Variants in RALYL observed in about 807,000 individuals in gnomAD.
RALYL encodes the protein RALY RNA binding protein like, also known as RNA-binding Raly-like protein.
A neutral mutation model predicts 35.1 loss-of-function variants in RALYL; 29 were observed. The ratio of observed to expected loss-of-function variants is 0.83; its 90% confidence interval spans 0.61 to 1.13. RALYL has a LOEUF of 1.13. Ranked by LOEUF, RALYL falls within the 50% of genes most tolerant of loss-of-function variation. RALYL has a pLI of 0.00. For missense variants in RALYL, 359 were observed against 360.4 expected (o/e 1.00, Z 0.03); for synonymous variants, 120 against 127.6 (o/e 0.94, Z 0.40).
intron 1 of RALYL, among the ~76,000 whole-genome samples, chr8:84,247,241 T>C (rs1829283845): frequency 6.6e-6 from 1 of 152,158 alleles, no homozygotes; most frequent in South Asian, 2.1e-4. Flanking sequence ...GGAGCAAATA[T>C]CCCATGCCAT....
intron 2 of RALYL, among the ~76,000 whole-genome samples, chr8:84,643,974 T>C (rs1826934179): frequency 6.6e-6 from 1 of 152,012 alleles, no homozygotes; most frequent in African/African-American, 2.4e-5. Flanking sequence ...TCTGGAAACT[T>C]GCAGATGGGT....
intron 3 of RALYL, among the ~76,000 whole-genome samples, chr8:84,782,168 T>C (rs1254887587): frequency 6.6e-6 from 1 of 152,150 alleles, no homozygotes; most frequent in African/African-American, 2.4e-5. Flanking sequence ...CTGTGACAAA[T>C]TTATCATCCT....
At chr8:84,291,377 G>C (rs967292864) in intron 1 of RALYL, among the ~76,000 whole-genome samples, 2 of 152,162 alleles carry the variant, frequency 1.3e-5, no homozygotes. Flanking sequence ...GGGAAAGCTA[G>C]TGACATTTGA....
chr8:84,695,042 T>C (rs1838857440), intron 2 of RALYL, among the ~76,000 whole-genome samples: 1 of 151,850 alleles, frequency 6.6e-6, no homozygotes, highest in South Asian at 2.1e-4. Flanking sequence ...TAACGTCAGA[T>C]ATTAACAAAT....
chr8:84,505,833 G>C (rs2057123299), intron 1 of RALYL, among the ~76,000 whole-genome samples: 1 of 152,110 alleles, frequency 6.6e-6, no homozygotes. Context: ...AATATTATTA[G>C]ATGGTAAGGT....
At chr8:84,237,157 C>T (rs1022991162) in intron 1 of RALYL, among the ~76,000 whole-genome samples, 30 of 152,090 alleles carry the variant, frequency 2.0e-4, no homozygotes, top group Non-Finnish European at 8.8e-5. Flanking sequence ...TTACAGGAAA[C>T]CTACACAGCC....
intron 7 of RALYL, among the ~76,000 whole-genome samples, chr8:84,876,186 A>G (rs1179465725): frequency 6.6e-6 from 1 of 152,156 alleles, no homozygotes; most frequent in Non-Finnish European, 1.5e-5. Context: ...ACTCTACCCA[A>G]CACCAGGTAT....
At chr8:84,676,401 T>A (rs1834201233) in intron 2 of RALYL, among the ~76,000 whole-genome samples, 1 of 152,212 alleles carries the variant, frequency 6.6e-6, no homozygotes, top group Non-Finnish European at 1.5e-5. Context: ...ATTGTAGGCA[T>A]AACCCCTTTT....
intron 2 of RALYL, among the ~76,000 whole-genome samples, chr8:84,691,855 A>G (rs933692690): frequency 6.6e-6 from 1 of 152,100 alleles, no homozygotes; most frequent in Non-Finnish European, 1.5e-5. Flanking sequence ...CAAGAGCAAA[A>G]TATTAGCAAA....
intron 1 of RALYL, among the ~76,000 whole-genome samples, chr8:84,466,990 C>T (rs1401765008): frequency 6.6e-6 from 1 of 151,988 alleles, no homozygotes; most frequent in Non-Finnish European, 1.5e-5. Context: ...GTGGTGATAT[C>T]CCCTTTATCA....
At chr8:84,262,938 C>A (rs1832590424) in intron 1 of RALYL, among the ~76,000 whole-genome samples, 1 of 152,120 alleles carries the variant, frequency 6.6e-6, no homozygotes, top group African/African-American at 2.4e-5. Context: ...TGGAAAGGTA[C>A]CTGTTGAGAA....
intron 2 of RALYL, among the ~76,000 whole-genome samples, chr8:84,561,601 A>G (rs2061475098): frequency 6.6e-6 from 1 of 152,018 alleles, no homozygotes; most frequent in Non-Finnish European, 1.5e-5. Flanking sequence ...AACAATTATA[A>G]CAATATGCCA....
intron 2 of RALYL, among the ~76,000 whole-genome samples, chr8:84,648,125 C>T (rs1231613150): frequency 6.6e-6 from 1 of 152,082 alleles, no homozygotes; most frequent in Non-Finnish European, 1.5e-5. Flanking sequence ...CGTGCACACA[C>T]ACACACACAC....
At chr8:84,530,487 T>TACA (rs1039459080) in intron 2 of RALYL, among the ~76,000 whole-genome samples, 1 of 143,918 alleles carries the variant, frequency 6.9e-6, no homozygotes, top group African/African-American at 2.6e-5. Flanking sequence ...TTATCCAGTT[T>TACA]AAAAAAAAAA....
At position 84,385,939 on chromosome 8, in the gene RALYL, A is replaced by G. The variant is rs1371462284; in HGVS notation, c.-23-143360A>G. ...CAAGTAGCCACTCCCTCCTTTCTGTATCATTCTACTGCCTGTCAAGGTGGC... is the reference window on the plus strand; with the variant it reads ...CAAGTAGCCACTCCCTCCTTTCTGTGTCATTCTACTGCCTGTCAAGGTGGC... On this transcript the variant is annotated intron_variant, in intron 1 of 8. Transcript: ENST00000521268. Among the ~76,000 whole-genome samples the G allele has an allele frequency of 1.4e-4, 21 of 151,824 alleles. 1 individual carries two copies. Among genetic ancestry groups the G allele is most frequent in the Admixed American group, 1.3e-3 (20 of 15,216 alleles).
At position 84,772,508 on chromosome 8, in the gene RALYL, T is replaced by C. The variant is rs981074135; in HGVS notation, c.257-2071T>C. 2.6e-5 allele frequency among the ~76,000 whole-genome samples: 4 copies of C among 152,084 alleles called. No homozygotes were observed. In the East Asian group the frequency reaches 5.8e-4, roughly 22 times the overall value. On this transcript the variant is annotated intron_variant, in intron 2 of 8. Coordinates refer to ENST00000521268, the MANE Select transcript of RALYL (RefSeq NM_173848.7). ...CTGTTTATATAAGGTAACTGTAAAA[T>C]TTTTCAATACAGTTTTATAATTTTT...
chr8:84,771,121 C>A (rs1345649084), intron 2 of RALYL, among the ~76,000 whole-genome samples: 1 of 151,920 alleles, frequency 6.6e-6, no homozygotes, highest in African/African-American at 2.4e-5. Flanking sequence ...TGAAAGAATT[C>A]ATACTGTCAG....
chr8:84,751,863 T>G (rs1810123119), intron 2 of RALYL, among the ~76,000 whole-genome samples: 1 of 152,148 alleles, frequency 6.6e-6, no homozygotes, highest in Non-Finnish European at 1.5e-5. Context: ...TCTCTTTTCT[T>G]CATAAATTAC....
intron 8 of RALYL, 146 bp downstream of exon 8, chr8:84,887,922 T>G: frequency 2.9e-6 from 2 of 687,572 alleles, no homozygotes; most frequent in Non-Finnish European, 2.3e-6. Context: ...TATAGTGCTT[T>G]GCACATAATA....
Sources: gnomAD v4.1 joint callset for allele counts (sites outside exome capture counted in the v4.1 genomes callset) on GRCh38, gnomAD v4.1.1 for gene constraint, MANE v1.5 for transcripts, NCBI Gene and HGNC (gene_info 2026-07-23, HGNC 2026-07-21) for gene names.